SLAIN2: variants seen among roughly 807,000 people sequenced by gnomAD.
The protein encoded by SLAIN2 is SLAIN family member 2.
In SLAIN2, 31 loss-of-function variants were observed where a neutral mutation model predicts 56.6. That is an observed-to-expected ratio of 0.55 (90% confidence interval 0.41 to 0.74). The LOEUF (loss-of-function observed/expected upper bound fraction) is 0.74, where lower values mean the gene tolerates loss of function less well. Ranked by LOEUF, SLAIN2 falls within the 30% of genes least tolerant of loss-of-function variation. The pLI is 0.00. For missense variants in SLAIN2, 777 were observed against 754.2 expected, an observed-to-expected ratio of 1.03 and a Z score of -0.35; for synonymous variants, 317 against 284.9, an observed-to-expected ratio of 1.11 and a Z score of -1.13.
chr4:48,374,549 T>C (rs762314302), intron 2 of SLAIN2, among the ~76,000 whole-genome samples: 15 of 152,288 alleles, frequency 9.8e-5, no homozygotes, highest in Middle Eastern at 3.4e-3. Context: ...ACCCGGCCAA[T>C]TGTGGACTTT....
chr4:48,419,223 C>G (rs572382274), intron 6 of SLAIN2, among the ~76,000 whole-genome samples: 12 of 152,142 alleles, frequency 7.9e-5, no homozygotes, highest in African/African-American at 2.6e-4. Flanking sequence ...CTGCCTCAGC[C>G]TCCCAAGTAG....
chr4:48,341,761 G>A lies in SLAIN2; in HGVS notation c.22G>A (p.Val8Met), dbSNP rs1478898176. ...CGGGATGGAGGACGTTAACTCCAACGTGAACGCGGACCAGGAGGTGCGGAA... is the reference window on the plus strand; with the variant it reads ...CGGGATGGAGGACGTTAACTCCAACATGAACGCGGACCAGGAGGTGCGGAA... MEDVNSNVNADQEVRKLQ... is the reference protein window; with the variant it reads MEDVNSNMNADQEVRKLQ... Residue 8 changes from valine to methionine, a missense_variant, in exon 1 of 8, where the codon GTG (valine) becomes ATG (methionine). Transcript: ENST00000264313. 3 of 1,532,350 alleles carry A rather than the reference G, an allele frequency of 2.0e-6. No individual in the cohort carries two copies. The highest frequency in any genetic ancestry group is 2.6e-6 in the Non-Finnish European group (3 of 1,139,592). The allele number at this position is 1,532,350 out of a possible 1,614,324, so 94.9% of individuals were successfully genotyped here.
At chr4:48,384,112 A>G (rs1333622622) in intron 6 of SLAIN2, among the ~76,000 whole-genome samples, 1 of 152,200 alleles carries the variant, frequency 6.6e-6, no homozygotes, top group African/African-American at 2.4e-5. Flanking sequence ...AATAAAAACC[A>G]GTAGAGCATC....
At chr4:48,343,587 G>A (rs1714784110) in intron 1 of SLAIN2, among the ~76,000 whole-genome samples, 1 of 152,198 alleles carries the variant, frequency 6.6e-6, no homozygotes, top group Non-Finnish European at 1.5e-5. Context: ...AGTACTGACA[G>A]TGCTCAGTAA....
At chr4:48,414,766 A>T (rs1355272038) in intron 6 of SLAIN2, among the ~76,000 whole-genome samples, 2 of 93,836 alleles carry the variant, frequency 2.1e-5, no homozygotes, top group East Asian at 6.1e-4. Flanking sequence ...TGTCCATGTG[A>T]TCTCATTGTT....
At chr4:48,364,677 CG>C (rs1715458849) in intron 1 of SLAIN2, among the ~76,000 whole-genome samples, 2 of 122,238 alleles carry the variant, frequency 1.6e-5, no homozygotes, top group African/African-American at 2.9e-5. Flanking sequence ...GGCTGGAGAT[CG>C]GCCCGGCCAA....
rs1482662490 is a variant in SLAIN2, at chr4:48,341,729, G to A, written c.-11G>A. ...GCGGGCGGCGGAGGCGGCGGCGGCG[G>A]CGGGGCCGGGATGGAGGACGTTAAC... On this transcript the variant is annotated 5_prime_UTR_variant, in exon 1 of 8. Coordinates refer to ENST00000264313, the MANE Select transcript of SLAIN2 (RefSeq NM_020846.2). 2 of 1,526,662 alleles carry A rather than the reference G, an allele frequency of 1.3e-6. No individual in the cohort carries two copies. The highest frequency in any genetic ancestry group is 1.8e-6 in the Non-Finnish European group (2 of 1,137,206). 94.6% of individuals were successfully genotyped at this position (1,526,662 alleles called of 1,614,324 possible).
rs551015683 is a variant in SLAIN2 at position 48,379,306 on chromosome 4, G to A, written c.704-384G>A. Reference sequence around the variant, plus strand: ...GGTGTTTGTCAATGACTGTGAATTCGGGAGAAGAAAACACTACATCATAAA... The same window carrying A: ...GGTGTTTGTCAATGACTGTGAATTCAGGAGAAGAAAACACTACATCATAAA... On this transcript the variant is annotated intron_variant, in intron 3 of 7. Coordinates refer to ENST00000264313, the MANE Select transcript of SLAIN2 (RefSeq NM_020846.2). Among the ~76,000 whole-genome samples the A allele has an allele frequency of 3.3e-5, 5 of 152,138 alleles. No homozygotes were observed. The South Asian group carries it at 6.2e-4, about 19-fold the overall frequency.
At position 48,372,635 on chromosome 4, in the gene SLAIN2, C is replaced by G. The variant is rs6447631; in HGVS notation, c.538+2638C>G. ...AAATAGCAATTTTGAGTGAGTGGCT[C>G]TTTGCTTTATTGCAAGGAGGATATT... On this transcript the variant is annotated intron_variant, in intron 2 of 7. Transcript: ENST00000264313. Among the ~76,000 whole-genome samples, 3 of 151,926 alleles carry G rather than the reference C, an allele frequency of 2.0e-5. No homozygotes were observed. In the East Asian group the frequency reaches 5.8e-4, roughly 29 times the overall value.
At chr4:48,351,552 A>G (rs1560449276) in intron 1 of SLAIN2, among the ~76,000 whole-genome samples, 1 of 152,216 alleles carries the variant, frequency 6.6e-6, no homozygotes, top group Non-Finnish European at 1.5e-5. Context: ...GATGAATCCT[A>G]GAAACCTGAA....
intron 2 of SLAIN2, among the ~76,000 whole-genome samples, chr4:48,375,327 A>G (rs1715781184): frequency 1.3e-5 from 2 of 152,286 alleles, no homozygotes; most frequent in Non-Finnish European, 1.5e-5. Flanking sequence ...CTCATGGTGA[A>G]TATGTACAAA....
intron 3 of SLAIN2, among the ~76,000 whole-genome samples, chr4:48,378,406 A>G (rs147333896): frequency 2.6e-5 from 4 of 152,364 alleles, no homozygotes; most frequent in African/African-American, 2.4e-5. Flanking sequence ...ACCTCTTTAT[A>G]GGAATTTTAA....
At chr4:48,352,309 A>G (rs1458981240) in intron 1 of SLAIN2, among the ~76,000 whole-genome samples, 4 of 152,218 alleles carry the variant, frequency 2.6e-5, no homozygotes, top group South Asian at 2.1e-4. Flanking sequence ...TTTCCATTTC[A>G]TACCAACTAC....
intron 6 of SLAIN2, chr4:48,394,540 T>G: frequency 6.6e-7 from 1 of 1,504,290 alleles, no homozygotes; most frequent in South Asian, 1.2e-5. Flanking sequence ...GTCTTGTACT[T>G]CCAGGCAAAT....
At chr4:48,378,758 T>C (rs1156770564) in intron 3 of SLAIN2, among the ~76,000 whole-genome samples, 1 of 152,220 alleles carries the variant, frequency 6.6e-6, no homozygotes, top group Non-Finnish European at 1.5e-5. Flanking sequence ...TCACCTATGA[T>C]GATACCATGT....
chr4:48,352,255 A>G (rs1009571549), intron 1 of SLAIN2, among the ~76,000 whole-genome samples: 3 of 152,310 alleles, frequency 2.0e-5, no homozygotes, highest in South Asian at 2.1e-4. Context: ...ATTCAAACCA[A>G]AGTATTGAAT....
rs1355385584 is a variant in SLAIN2, at chr4:48,346,451, C to A, written c.389+4323C>A. Among the ~76,000 whole-genome samples the A allele has an allele frequency of 2.0e-5, 3 of 152,122 alleles. No individual in the cohort carries two copies. In the East Asian group the frequency reaches 5.8e-4, roughly 29 times the overall value. Reference sequence around the variant, plus strand: ...ATTCATACTGACTTCTCATCGATAACCTTTGTTGATAAATGTCCCAATTCA... The same window carrying A: ...ATTCATACTGACTTCTCATCGATAAACTTTGTTGATAAATGTCCCAATTCA... On this transcript the variant is annotated intron_variant, in intron 1 of 7. Coordinates refer to ENST00000264313, the MANE Select transcript of SLAIN2 (RefSeq NM_020846.2).
intron 1 of SLAIN2, among the ~76,000 whole-genome samples, chr4:48,366,325 G>A (rs562910472): frequency 6.6e-6 from 1 of 152,284 alleles, no homozygotes; most frequent in Non-Finnish European, 1.5e-5. Context: ...GTTAAGTAAA[G>A]TTGGTTGATA....
intron 7 of SLAIN2, 93 bp downstream of exon 7, chr4:48,420,536 CAG>C: frequency 7.1e-7 from 1 of 1,405,422 alleles, no homozygotes; most frequent in Non-Finnish European, 9.7e-7. Flanking sequence ...TGATAGTAAA[CAG>C]AAAGTCATGG....
Sources: allele counts gnomAD v4.1 joint callset (sites outside exome capture counted in the v4.1 genomes callset), GRCh38; gene constraint gnomAD v4.1.1; transcripts MANE v1.5; gene names NCBI Gene and HGNC (gene_info 2026-07-23, HGNC 2026-07-21).